The following FAM53B variants were observed in gnomAD, a reference collection of about 807,000 sequenced individuals.
FAM53B encodes the protein family with sequence similarity 53 member B, also known as protein FAM53B.
Under a neutral mutation model 32.7 loss-of-function variants are expected in FAM53B, and 12 were observed. The ratio of observed to expected loss-of-function variants is 0.37; its 90% CI spans 0.24 to 0.59. The LOEUF (loss-of-function observed/expected upper bound fraction) is 0.59, where lower values mean the gene tolerates loss of function less well. FAM53B is among the 20% of genes least tolerant of loss of function. The pLI is 0.72. For missense variants in FAM53B, 477 were observed against 577.7 expected (o/e 0.83, Z 1.79); for synonymous variants, 234 against 228.7 (o/e 1.02, Z -0.21).
chr10:124,638,456 C>T (rs1218251025), intron 4 of FAM53B, among the ~76,000 whole-genome samples: 1 of 152,202 alleles, frequency 6.6e-6, no homozygotes, highest in African/African-American at 2.4e-5. Flanking sequence ...CTTTTCCCAT[C>T]TGTAAAATGG....
chr10:124,701,923 G>C (rs1033458155), intron 2 of FAM53B, among the ~76,000 whole-genome samples: 3 of 152,196 alleles, frequency 2.0e-5, no homozygotes, highest in Non-Finnish European at 4.4e-5. Flanking sequence ...TTTTAAAACA[G>C]GGGAACCAGA....
chr10:124,669,088 G>GT (rs1394844190), intron 4 of FAM53B, among the ~76,000 whole-genome samples: 5 of 152,182 alleles, frequency 3.3e-5, no homozygotes, highest in African/African-American at 7.2e-5. Context: ...AAGCCATTTT[G>GT]GGGGGTGTAG....
chr10:124,714,349 T>C (rs1388964347), intron 1 of FAM53B: 2 of 152,152 alleles, frequency 1.3e-5, no homozygotes, highest in Non-Finnish European at 2.9e-5. Context: ...GCAGCTTCTA[T>C]ACTATAGTGA....
At chr10:124,731,765 T>G (rs1950144784) in intron 1 of FAM53B, among the ~76,000 whole-genome samples, 2 of 152,066 alleles carry the variant, frequency 1.3e-5, no homozygotes, top group African/African-American at 4.8e-5. Flanking sequence ...ACATGAAGTT[T>G]TGGCTGTGGC....
In FAM53B at chr10:124,626,541, T is replaced by C. The variant is rs1030981886; in HGVS notation, c.907-2937A>G. On this transcript the variant is annotated intron_variant, in intron 4 of 4. Coordinates refer to ENST00000337318, the MANE Select transcript of FAM53B (RefSeq NM_014661.4). ...CCAGCCAGACAAGGATGTGAGAAAG[T>C]GCCAACTATGAAGAGCAGGCCCTCA... Among the ~76,000 whole-genome samples the C allele has an allele frequency of 1.2e-3, 182 of 152,250 alleles. 2 individuals carry two copies. The highest frequency in any genetic ancestry group is 3.4e-3 in the Middle Eastern group (1 of 294).
intron 2 of FAM53B, among the ~76,000 whole-genome samples, chr10:124,703,114 G>A (rs561482610): frequency 1.6e-4 from 24 of 151,924 alleles, no homozygotes; most frequent in African/African-American, 5.3e-4. Context: ...CTGTGATATC[G>A]GCTCACTGCA....
intron 4 of FAM53B, among the ~76,000 whole-genome samples, chr10:124,645,061 G>A (rs1049424320): frequency 3.3e-5 from 5 of 152,218 alleles, no homozygotes; most frequent in African/African-American, 4.8e-5. Context: ...CTTGGGGACC[G>A]CAGCAAAGTC....
intron 4 of FAM53B, among the ~76,000 whole-genome samples, chr10:124,680,561 G>A (rs200692464): frequency 7.3e-4 from 111 of 152,304 alleles, no homozygotes; most frequent in African/African-American, 2.6e-3. Flanking sequence ...AGTCAGCTAT[G>A]CCCACCTGAA....
At chr10:124,709,145 C>T (rs1282433720) in intron 1 of FAM53B, among the ~76,000 whole-genome samples, 1 of 152,228 alleles carries the variant, frequency 6.6e-6, no homozygotes, top group African/African-American at 2.4e-5. Context: ...GACGCCCAAG[C>T]GGCCATCCTC....
chr10:124,626,388 GC>G (rs34542605), intron 4 of FAM53B, among the ~76,000 whole-genome samples: 11,185 of 101,558 alleles, frequency 0.11, 675 homozygotes, highest in Admixed American at 0.16. Context: ...CGAAATTTGT[GC>G]CCCCCCCCCC....
At chr10:124,712,751 A>AGAGTG (rs1950012949) in intron 1 of FAM53B, among the ~76,000 whole-genome samples, 2 of 152,212 alleles carry the variant, frequency 1.3e-5, no homozygotes, top group African/African-American at 4.8e-5. Flanking sequence ...TGGCACCCCA[A>AGAGTG]CCTGATCATG....
Position 124,655,458 on chromosome 10 carries a change from C to A in FAM53B, c.906+26149G>T, listed in dbSNP as rs374266388. On this transcript the variant is annotated intron_variant, in intron 4 of 4. Coordinates refer to ENST00000337318, the MANE Select transcript of FAM53B (RefSeq NM_014661.4). ...TTCCCCACCAAGACATCTCATCCCA[C>A]GAAGCTTCTCAGGACGATACCAGCA... Among the ~76,000 whole-genome samples, 3 of 152,112 alleles carry A rather than the reference C, an allele frequency of 2.0e-5. No homozygotes were observed. In the East Asian group the frequency reaches 5.8e-4, roughly 29 times the overall value.
intron 4 of FAM53B, among the ~76,000 whole-genome samples, chr10:124,680,063 C>T (rs902304447): frequency 2.0e-5 from 3 of 152,162 alleles, no homozygotes; most frequent in African/African-American, 7.2e-5. Context: ...AGACTTTTAA[C>T]CTATTTAAAT....
chr10:124,683,937 C>T lies in FAM53B; in HGVS notation c.134-1558G>A, dbSNP rs1369793321. 5.3e-5 allele frequency among the ~76,000 whole-genome samples: 8 copies of T among 152,350 alleles called. No homozygotes were observed. In the South Asian group the frequency reaches 8.3e-4, roughly 16 times the overall value. On this transcript the variant is annotated intron_variant, in intron 3 of 4. Transcript: ENST00000337318. ...AGCAGCAGCTACTTGATTGACTCAA[C>T]GGGAATGACCTGTGCAGACCAAAGG... is the stretch of plus-strand genomic sequence containing the variant.
rs368477486 is a variant in FAM53B, at chr10:124,733,747, A to G, written c.-175+10266T>C. Among the ~76,000 whole-genome samples, 57 of 152,328 alleles carry G rather than the reference A, an allele frequency of 3.7e-4. 1 individual carries two copies. The South Asian group carries it at 0.012, about 31-fold the overall frequency. ...ATGAAAATTCTCAGAGGCTAGTCTC[A>G]TGCTTCTCCAGGAAGGTCACTCCAA... On this transcript the variant is annotated intron_variant, in intron 1 of 4. Transcript: ENST00000337318. This position sits in a 1 kb window ranked among gnomAD's most constrained non-coding sequence, Gnocchi z 4.3.
At chr10:124,691,485 ATTTT>A (rs999058394) in intron 3 of FAM53B, among the ~76,000 whole-genome samples, 8 of 151,906 alleles carry the variant, frequency 5.3e-5, no homozygotes, top group Admixed American at 3.9e-4. Flanking sequence ...TTTCCATCCA[ATTTT>A]TTTTAGCATA....
intron 2 of FAM53B, among the ~76,000 whole-genome samples, chr10:124,700,420 G>A (rs1233000693): frequency 2.6e-5 from 4 of 152,194 alleles, no homozygotes; most frequent in Non-Finnish European, 4.4e-5. Context: ...AAGACACTCA[G>A]TGTCTGCACT....
intron 4 of FAM53B, among the ~76,000 whole-genome samples, chr10:124,679,644 G>A (rs1164186404): frequency 1.3e-5 from 2 of 152,216 alleles, no homozygotes; most frequent in Non-Finnish European, 1.5e-5. Flanking sequence ...ACTTTCCAGA[G>A]GCCCCTCTCT....
Position 124,681,642 on chromosome 10 carries a change from G to T in FAM53B, c.871C>A (p.Gln291Lys), listed in dbSNP as rs138329808. 3.4e-5 allele frequency: 54 copies of T among 1,611,502 alleles called. No homozygotes were observed. The African/African-American group carries it at 6.8e-4, about 20-fold the overall frequency. The change falls in exon 4 of 5, where the codon CAG becomes AAG. Residue 291 changes from glutamine (Q) to lysine (K), a missense_variant. Gln to Lys is a moderately conservative substitution (Grantham distance 53). This residue lies in a region of FAM53B where 312 missense variants were observed against 420.2 expected (regional missense o/e 0.74). Transcript: ENST00000337318. ...TTGGCAAGGTCTAGAGAAGGCCTCTGCTCTTGCACTTCTTCAGGGCGCCGC... is the reference window on the plus strand; with the variant it reads ...TTGGCAAGGTCTAGAGAAGGCCTCTTCTCTTGCACTTCTTCAGGGCGCCGC... Reference protein sequence around the residue: ...KRRRPEEVQEQRPSLDLAKMA... With the variant: ...KRRRPEEVQEKRPSLDLAKMA...
Sources: gnomAD v4.1 joint callset for allele counts (sites outside exome capture counted in the v4.1 genomes callset) on GRCh38, gnomAD v4.1.1 for gene constraint, gnomAD v4.1.1 regional missense constraint, Gnocchi (gnomAD v3.1) non-coding constraint, MANE v1.5 for transcripts, NCBI Gene and HGNC (gene_info 2026-07-23, HGNC 2026-07-21) for gene names.